The following ADCY3 variants were observed in gnomAD, a reference collection of about 807,000 sequenced individuals.
ADCY3 encodes adenylate cyclase type 3.
ADCY3 carries 70 observed loss-of-function variants against 119.4 expected under a neutral mutation model. The ratio of observed to expected loss-of-function variants is 0.59; its 90% CI spans 0.48 to 0.72. The LOEUF is 0.72. Ranked by LOEUF, ADCY3 falls within the 30% of genes least tolerant of loss-of-function variation. The pLI is 0.00. For missense variants in ADCY3, 1,238 were observed against 1,541.6 expected (o/e 0.80, Z 3.30); for synonymous variants, 672 against 621.4 (o/e 1.08, Z -1.21).
chr2:24,837,107 T>C, intron 8 of ADCY3, 62 bp from the exon 9 acceptor site: 1 of 1,576,074 alleles, frequency 6.3e-7, no homozygotes, highest in Non-Finnish European at 8.6e-7. Context: ...TGGACAGGTC[T>C]GGAAGTGACA....
At chr2:24,839,442 T>A (rs1038132145) in intron 7 of ADCY3, among the ~76,000 whole-genome samples, 1 of 152,126 alleles carries the variant, frequency 6.6e-6, no homozygotes, top group Non-Finnish European at 1.5e-5. Context: ...GTAAGGGAGC[T>A]CAAGTAAGGC....
chr2:24,866,564 CAAAAAAA>C (rs71397449), intron 3 of ADCY3, among the ~76,000 whole-genome samples: 85 of 46,552 alleles, frequency 1.8e-3, no homozygotes, highest in African/African-American at 7.1e-3. Flanking sequence ...GACCCTGTCT[CAAAAAAA>C]AAAAAAAAAA....
Position 24,820,125 on chromosome 2 carries a change from AG to A in ADCY3, c.3253-12del. The A allele has an allele frequency of 1.7e-6, 2 of 1,207,042 alleles. No homozygotes were observed. The highest frequency in any genetic ancestry group is 2.1e-6 in the Non-Finnish European group (2 of 935,426). The allele number at this position is 1,207,042 out of a possible 1,614,324, so 74.8% of individuals were successfully genotyped here. Reference sequence around the variant, plus strand: ...GGTTTCTTCTACCACCTGGAGAGGGAGGGGGAGCAAGAACGTGGCGTTACGG... The same window carrying A: ...GGTTTCTTCTACCACCTGGAGAGGGAGGGGAGCAAGAACGTGGCGTTACGG... On this transcript the variant is annotated splice_polypyrimidine_tract_variant and intron_variant, in intron 21 of 21. Coordinates refer to ENST00000679454, the MANE Select transcript of ADCY3 (RefSeq NM_004036.5).
chr2:24,835,634 C>T (rs1225639308), intron 9 of ADCY3, among the ~76,000 whole-genome samples: 2 of 152,090 alleles, frequency 1.3e-5, no homozygotes, highest in African/African-American at 4.8e-5. Flanking sequence ...CATCTGGGAG[C>T]CACAGTCACG....
Position 24,919,047 on chromosome 2 carries a change from G to T in ADCY3, c.-60C>A. 1 of 1,467,826 alleles carries T rather than the reference G, an allele frequency of 6.8e-7. No individual in the cohort carries two copies. Among genetic ancestry groups the T allele is most frequent in the East Asian group, 2.5e-5 (1 of 40,344 alleles). The allele number at this position is 1,467,826 out of a possible 1,614,324, so 90.9% of individuals were successfully genotyped here. On this transcript the variant is annotated 5_prime_UTR_variant, in exon 2 of 22. Coordinates refer to ENST00000679454, the MANE Select transcript of ADCY3 (RefSeq NM_004036.5). The surrounding 1 kb of genome is among the most constrained non-coding windows in gnomAD (Gnocchi z 5.5). ...GGACTGGGAACGGAGGAAGAGCTCT[G>T]GACTGGGCCTCCTCTCAGGGCTCTC...
In ADCY3 at chr2:24,836,974, G is replaced by A. The variant is rs1387013364; in HGVS notation, c.1605C>T (p.Asn535=). The A allele has an allele frequency of 1.5e-5, 24 of 1,614,024 alleles. No individual in the cohort carries two copies. Among genetic ancestry groups the A allele is most frequent in the East Asian group, 2.2e-5 (1 of 44,866 alleles). Residue 535 remains asparagine, a synonymous_variant, in exon 9 of 22, where the codon AAC becomes AAT. Coordinates refer to ENST00000679454, the MANE Select transcript of ADCY3 (RefSeq NM_004036.5). ...TGGACCCACTGCTGTGGGCACTCCC[G>A]TTGGGCTCCTTGGTCTCAATGAGGG... The part of the protein sequence containing the change: ...SPALIETKEP[N]GSAHSSGSTS...
chr2:24,822,448 T>C (rs1667920157), intron 19 of ADCY3, 63 bp downstream of exon 19: 1 of 1,595,354 alleles, frequency 6.3e-7, no homozygotes, highest in Non-Finnish European at 8.6e-7. Context: ...ATGCTAGGTC[T>C]GGGCTGCCAA....
intron 2 of ADCY3, among the ~76,000 whole-genome samples, chr2:24,912,553 GTGTGTGTGTGTGTGCA>G (rs200370515): frequency 0.26 from 36,799 of 143,876 alleles, 5,152 homozygotes; most frequent in African/African-American, 0.37. Context: ...GAGCACGCAT[GTGTGTGTGTGTGTGCA>G]TGTGTGTGTG....
intron 19 of ADCY3, 185 bp from the exon 20 acceptor site, chr2:24,821,825 T>A: frequency 2.5e-6 from 2 of 811,928 alleles, no homozygotes; most frequent in Non-Finnish European, 3.7e-6. Context: ...AAAGTTCACG[T>A]AGCAGGTCTA....
chr2:24,820,645 G>A lies in ADCY3; in HGVS notation c.3252+79C>T, dbSNP rs1667490979. 1.1e-5 allele frequency: 17 copies of A among 1,584,668 alleles called. No homozygotes were observed. The Admixed American group carries it at 2.9e-4, about 27-fold the overall frequency. Reference sequence around the variant, plus strand: ...CTGTTCAGGGCCAGGGTGGGAGGCAGGGGCACGTGGGAAAGCACTGTTCCG... The same window carrying A: ...CTGTTCAGGGCCAGGGTGGGAGGCAAGGGCACGTGGGAAAGCACTGTTCCG... On this transcript the variant is annotated intron_variant, in intron 21 of 21. Coordinates refer to ENST00000679454, the MANE Select transcript of ADCY3 (RefSeq NM_004036.5).
chr2:24,843,989 A>C (rs1671368498), intron 3 of ADCY3, among the ~76,000 whole-genome samples: 1 of 152,190 alleles, frequency 6.6e-6, no homozygotes, highest in Non-Finnish European at 1.5e-5. Context: ...GGAGAATCCC[A>C]AGTTGAGGTT....
At position 24,878,127 on chromosome 2, in the gene ADCY3, G is replaced by T; in HGVS notation, c.676-5408C>A. On this transcript the variant is annotated intron_variant, in intron 2 of 21. Transcript: ENST00000679454. The surrounding 1 kb of genome is among the most constrained non-coding windows in gnomAD (Gnocchi z 4.0). Reference sequence around the variant, plus strand: ...TAACTTATTTCAAAAGAATTGTTCTGCTTTTTTAAAATATACAACATTTTT... The same window carrying T: ...TAACTTATTTCAAAAGAATTGTTCTTCTTTTTTAAAATATACAACATTTTT... 1 of 270,824 alleles carries T rather than the reference G, an allele frequency of 3.7e-6. No individual in the cohort carries two copies. Among genetic ancestry groups the T allele is most frequent in the Non-Finnish European group, 7.6e-6 (1 of 131,254 alleles). The allele number at this position is 270,824 out of a possible 1,614,324, so 16.8% of individuals were successfully genotyped here. A position where few individuals can be genotyped will look rare whatever the true frequency, so the allele number is the denominator to read the frequency against.
At chr2:24,846,361 C>T (rs1351342426) in intron 3 of ADCY3, among the ~76,000 whole-genome samples, 1 of 152,212 alleles carries the variant, frequency 6.6e-6, no homozygotes, top group Non-Finnish European at 1.5e-5. Flanking sequence ...ACTATGGGAA[C>T]CTGCCTCTTA....
chr2:24,844,305 C>T (rs981345926), intron 3 of ADCY3, among the ~76,000 whole-genome samples: 1 of 152,060 alleles, frequency 6.6e-6, no homozygotes, highest in Non-Finnish European at 1.5e-5. Flanking sequence ...AGGTCCCAGG[C>T]ATTACCACCC....
chr2:24,821,571 C>T lies in ADCY3; in HGVS notation c.3073G>A (p.Asp1025Asn), dbSNP rs1667719131. The change falls in exon 20 of 22, where the codon GAT (aspartate) becomes AAT (asparagine). Residue 1025 changes from aspartate (D) to asparagine (N), a missense_variant. Transcript: ENST00000679454. Reference sequence around the variant, plus strand: ...TGGTTGTTGATGTTGGTGAGCGTATCCTTCATGGCCAGCGCGAAGTCGGCC... The same window carrying T: ...TGGTTGTTGATGTTGGTGAGCGTATTCTTCATGGCCAGCGCGAAGTCGGCC... ...DLADFALAMK[D>N]TLTNINNQSF... is the part of the protein sequence containing the mutation. The T allele has an allele frequency of 1.2e-6, 2 of 1,613,980 alleles. No homozygotes were observed. Among genetic ancestry groups the T allele is most frequent in the East Asian group, 4.5e-5 (2 of 44,872 alleles).
intron 9 of ADCY3, 144 bp from the exon 10 acceptor site, chr2:24,835,080 G>A: frequency 8.6e-7 from 1 of 1,165,846 alleles, no homozygotes; most frequent in Non-Finnish European, 1.2e-6. Context: ...TCCCTTTCCG[G>A]GAAGTCTTCC....
At chr2:24,884,434 T>G (rs1676769656) in intron 2 of ADCY3, among the ~76,000 whole-genome samples, 1 of 152,020 alleles carries the variant, frequency 6.6e-6, no homozygotes, top group African/African-American at 2.4e-5. Flanking sequence ...TCCCCTATTT[T>G]TCTTCTATGC....
intron 3 of ADCY3, among the ~76,000 whole-genome samples, chr2:24,866,527 T>C (rs1459467375): frequency 8.4e-6 from 1 of 119,738 alleles, no homozygotes; most frequent in Non-Finnish European, 1.6e-5. Context: ...CATAAGCCAC[T>C]GCACTCCAGC....
Position 24,829,632 on chromosome 2 carries a change from C to A in ADCY3, c.2172+1077G>T, listed in dbSNP as rs1366608717. On this transcript the variant is annotated intron_variant, in intron 13 of 21. Coordinates refer to ENST00000679454, the MANE Select transcript of ADCY3 (RefSeq NM_004036.5). ...GAGACGGGGTTTCAACTGTGTTAGC[C>A]AGGATGATTTCGATCTCCTGACCTC... Among the ~76,000 whole-genome samples the A allele has an allele frequency of 2.7e-5, 4 of 150,904 alleles. No individual in the cohort carries two copies. The South Asian group carries it at 6.3e-4, about 24-fold the overall frequency.
Sources: gnomAD v4.1 joint callset for allele counts (sites outside exome capture counted in the v4.1 genomes callset) on GRCh38, gnomAD v4.1.1 for gene constraint, Gnocchi (gnomAD v3.1) non-coding constraint, MANE v1.5 for transcripts, NCBI Gene and HGNC (gene_info 2026-07-23, HGNC 2026-07-21) for gene names.